The following CDH4 variants were observed in gnomAD, a reference collection of about 807,000 sequenced individuals.
CDH4 encodes the protein cadherin-4.
A neutral mutation model predicts 86.0 loss-of-function variants in CDH4; 33 were observed. The ratio of observed to expected loss-of-function variants is 0.38; its 90% CI spans 0.29 to 0.51. CDH4 has a LOEUF of 0.51. Ranked by LOEUF, CDH4 falls within the 20% of genes least tolerant of loss-of-function variation. CDH4 has a pLI of 0.86. For synonymous variants in CDH4, 555 were observed against 549.4 expected, an observed-to-expected ratio of 1.01 and a Z score of -0.14; for missense variants, 1,114 against 1,307.4, an observed-to-expected ratio of 0.85 and a Z score of 2.28.
chr20:61,688,783 TG>T (rs1361430112), intron 2 of CDH4, among the ~76,000 whole-genome samples: 5 of 152,370 alleles, frequency 3.3e-5, no homozygotes, highest in Non-Finnish European at 7.3e-5. Context: ...TATTTTTGAT[TG>T]TTTTTTCTGA....
intron 2 of CDH4, among the ~76,000 whole-genome samples, chr20:61,320,565 A>G (rs2084502415): frequency 6.6e-6 from 1 of 151,982 alleles, no homozygotes; most frequent in African/African-American, 2.4e-5. Flanking sequence ...GCACTTGGCA[A>G]TATCTGGAGA....
chr20:61,490,099 T>C (rs2427132), intron 2 of CDH4, among the ~76,000 whole-genome samples: 54,398 of 152,166 alleles, frequency 0.36, 11,207 homozygotes, highest in Admixed American at 0.49. Flanking sequence ...CAAATGGACA[T>C]CTAATCTGTG....
At position 61,807,915 on chromosome 20, in the gene CDH4, G is replaced by A. The variant is rs61083035; in HGVS notation, c.576+34733G>A. ...GGGCCTGGCGGGATGCAGGCACAGC[G>A]CGATCCAGCACAGTGCTGGGTGGTC... On this transcript the variant is annotated intron_variant, in intron 4 of 15. Coordinates refer to ENST00000614565, the MANE Select transcript of CDH4 (RefSeq NM_001794.5). This position sits in a 1 kb window ranked among gnomAD's most constrained non-coding sequence, Gnocchi z 4.5. Among the ~76,000 whole-genome samples the A allele has an allele frequency of 0.11, 16,045 of 152,240 alleles. 920 individuals are homozygous for A. Among genetic ancestry groups the A allele is most frequent in the South Asian group, 0.17 (809 of 4,822 alleles).
intron 2 of CDH4, among the ~76,000 whole-genome samples, chr20:61,275,231 G>A (rs573072483): frequency 1.5e-4 from 21 of 139,730 alleles, no homozygotes; most frequent in Non-Finnish European, 2.8e-4. Context: ...GGAGTACCGT[G>A]TGCAGTTTGG....
intron 2 of CDH4, among the ~76,000 whole-genome samples, chr20:61,577,552 C>T (rs1391346588): frequency 3.9e-5 from 6 of 152,190 alleles, no homozygotes; most frequent in Admixed American, 1.3e-4. Context: ...GGGGAAAAGA[C>T]TCAATCATGG....
intron 2 of CDH4, among the ~76,000 whole-genome samples, chr20:61,350,846 A>G (rs2084707924): frequency 6.6e-6 from 1 of 150,870 alleles, no homozygotes; most frequent in African/African-American, 2.4e-5. Flanking sequence ...TTATGATTCC[A>G]TGAGCATGTC....
intron 2 of CDH4, among the ~76,000 whole-genome samples, chr20:61,282,815 T>G: frequency 6.6e-6 from 1 of 152,320 alleles, no homozygotes; most frequent in South Asian, 2.1e-4. Flanking sequence ...TGCATGGCTG[T>G]GGTGTGCACG....
chr20:61,806,291 G>A (rs1288642744), intron 4 of CDH4, among the ~76,000 whole-genome samples: 1 of 152,172 alleles, frequency 6.6e-6, no homozygotes, highest in African/African-American at 2.4e-5. Flanking sequence ...GAGAGATGAG[G>A]AGGGGGGCGT....
chr20:61,283,586 T>C (rs1215707113), intron 2 of CDH4, among the ~76,000 whole-genome samples: 1 of 151,092 alleles, frequency 6.6e-6, no homozygotes, highest in Non-Finnish European at 1.5e-5. Context: ...ACGTGTGTGC[T>C]GTGGTGTGTG....
At chr20:61,342,996 A>G (rs1283007568) in intron 2 of CDH4, among the ~76,000 whole-genome samples, 1 of 152,206 alleles carries the variant, frequency 6.6e-6, no homozygotes, top group African/African-American at 2.4e-5. Flanking sequence ...GAAATCGCCC[A>G]CCTACGGCCC....
intron 2 of CDH4, among the ~76,000 whole-genome samples, chr20:61,609,221 C>G (rs1266671249): frequency 6.6e-6 from 1 of 152,206 alleles, no homozygotes; most frequent in East Asian, 1.9e-4. Flanking sequence ...GGACGTGTTC[C>G]CGTTGCTTGT....
chr20:61,685,113 A>G (rs1032842692), intron 2 of CDH4, among the ~76,000 whole-genome samples: 4 of 152,134 alleles, frequency 2.6e-5, no homozygotes, highest in African/African-American at 9.7e-5. Context: ...AACAGCCACA[A>G]ATACACCTTC....
At chr20:61,688,903 G>A (rs1488013702) in intron 2 of CDH4, among the ~76,000 whole-genome samples, 1 of 152,246 alleles carries the variant, frequency 6.6e-6, no homozygotes, top group Non-Finnish European at 1.5e-5. Flanking sequence ...CGCTAGTTAG[G>A]TGGTCCTCCT....
intron 2 of CDH4, among the ~76,000 whole-genome samples, chr20:61,671,895 G>A (rs370317163): frequency 3.5e-4 from 53 of 151,766 alleles, no homozygotes; most frequent in African/African-American, 1.2e-3. Flanking sequence ...ACAGATGGAG[G>A]ATGGATGGAT....
intron 2 of CDH4, among the ~76,000 whole-genome samples, chr20:61,274,502 G>A (rs1316118095): frequency 1.3e-5 from 2 of 149,200 alleles, no homozygotes; most frequent in African/African-American, 5.0e-5. Flanking sequence ...TGCAGTTTGG[G>A]GGAGTATTGG....
intron 2 of CDH4, among the ~76,000 whole-genome samples, chr20:61,456,760 T>G (rs960261094): frequency 6.6e-6 from 1 of 152,164 alleles, no homozygotes; most frequent in African/African-American, 2.4e-5. Flanking sequence ...CTGAGGTGTC[T>G]TTAGAGCAGA....
chr20:61,605,451 TTC>T (rs1568709182), intron 2 of CDH4, among the ~76,000 whole-genome samples: 1 of 151,282 alleles, frequency 6.6e-6, no homozygotes, highest in Non-Finnish European at 1.5e-5. Context: ...CTCTCTCTCT[TTC>T]TCTGTCTCTG....
chr20:61,253,010 C>T (rs1003490185), intron 1 of CDH4, among the ~76,000 whole-genome samples: 6 of 151,674 alleles, frequency 4.0e-5, no homozygotes, highest in African/African-American at 9.7e-5. Context: ...GGGCGCCCGG[C>T]GGCTGCGGGC....
intron 2 of CDH4, among the ~76,000 whole-genome samples, chr20:61,256,148 C>T (rs931067754): frequency 9.9e-5 from 15 of 152,092 alleles, no homozygotes; most frequent in Non-Finnish European, 4.4e-5. Context: ...TTTTCAGGAT[C>T]GTTTGGTTTA....
Sources: gnomAD v4.1 joint callset for allele counts (sites outside exome capture counted in the v4.1 genomes callset) on GRCh38, gnomAD v4.1.1 for gene constraint, Gnocchi (gnomAD v3.1) non-coding constraint, MANE v1.5 for transcripts, NCBI Gene and HGNC (gene_info 2026-07-23, HGNC 2026-07-21) for gene names.